GK5: variants seen among roughly 807,000 people sequenced by gnomAD.
GK5 encodes ATP:glycerol 3-phosphotransferase 5.
A neutral mutation model predicts 77.3 loss-of-function variants in GK5; 39 were observed. The ratio of observed to expected loss-of-function variants is 0.50; its 90% CI spans 0.39 to 0.66. The LOEUF (loss-of-function observed/expected upper bound fraction) is 0.66, where lower values mean the gene tolerates loss of function less well. GK5 is among the 30% of genes least tolerant of loss of function. The pLI, the probability that GK5 is intolerant of heterozygous loss-of-function variation, is 0.00. For synonymous variants in GK5, 211 were observed against 208.0 expected (o/e 1.01, Z -0.13); for missense variants, 487 against 633.8 (o/e 0.77, Z 2.49).
chr3:142,199,048 T>C, intron 4 of GK5, 115 bp from the exon 5 acceptor site: 1 of 657,708 alleles, frequency 1.5e-6, no homozygotes, highest in Admixed American at 3.6e-5. Context: ...CTACTTATAA[T>C]AGTGTTTTCT....
chr3:142,218,607 G>C (rs2064304669), intron 1 of GK5, among the ~76,000 whole-genome samples: 1 of 151,046 alleles, frequency 6.6e-6, no homozygotes, highest in Admixed American at 6.6e-5. Context: ...ACTCAAAATG[G>C]ATCAAGATCT....
chr3:142,219,997 A>C (rs932290643), intron 1 of GK5, among the ~76,000 whole-genome samples: 10 of 152,196 alleles, frequency 6.6e-5, no homozygotes, highest in Admixed American at 5.2e-4. Flanking sequence ...AATTTCATAA[A>C]AATCTATGGC....
At chr3:142,183,642 T>C (rs2063725393) in intron 9 of GK5, among the ~76,000 whole-genome samples, 2 of 152,160 alleles carry the variant, frequency 1.3e-5, no homozygotes, top group Admixed American at 6.5e-5. Flanking sequence ...AGCTAATTTT[T>C]GTATTTTTAG....
chr3:142,167,618 G>C (rs2063488073), intron 15 of GK5, among the ~76,000 whole-genome samples: 1 of 152,136 alleles, frequency 6.6e-6, no homozygotes, highest in South Asian at 2.1e-4. Flanking sequence ...AAAATACAGA[G>C]GATATACATA....
Position 142,177,384 on chromosome 3 carries a change from C to T in GK5, c.1143+98G>A, listed in dbSNP as rs974871155. ...CCTTTCATCTTAGTTCTGTTCAGTG[C>T]TCAAATTTTAAGGTAACAGAATGGT... On this transcript the variant is annotated intron_variant, in intron 12 of 15. Transcript: ENST00000392993. The T allele has an allele frequency of 8.4e-6, 6 of 716,070 alleles. No homozygotes were observed. In the African/African-American group the frequency reaches 8.9e-5, roughly 11 times the overall value. The allele number at this position is 716,070 out of a possible 1,614,324, so 44.4% of individuals were successfully genotyped here. A position where few individuals can be genotyped will look rare whatever the true frequency, so the allele number is the denominator to read the frequency against.
chr3:142,211,487 T>C (rs916776474), intron 3 of GK5, among the ~76,000 whole-genome samples: 11 of 152,100 alleles, frequency 7.2e-5, no homozygotes, highest in Admixed American at 1.3e-4. Context: ...AGATGCAGCA[T>C]GTCCTGAAAA....
Position 142,169,067 on chromosome 3 carries a change from G to T in GK5, c.1441+1258C>A, listed in dbSNP as rs112423796. On this transcript the variant is annotated intron_variant, in intron 15 of 15. Transcript: ENST00000392993. ...TATCAGACAAACTTAATAATCACTT[G>T]ACTTACCTGTCTCCTCCCACCAGGA... 8.5e-3 allele frequency among the ~76,000 whole-genome samples: 1,297 copies of T among 152,258 alleles called. 17 individuals carry two copies. The highest frequency in any genetic ancestry group is 0.029 in the African/African-American group (1,196 of 41,542).
At chr3:142,173,199 T>TAAAAA in intron 12 of GK5, 6 of 382,826 alleles carry the variant, frequency 1.6e-5, no homozygotes, top group Middle Eastern at 5.5e-4. Flanking sequence ...AGACAGGGTC[T>TAAAAA]AAAAAAAAAA....
chr3:142,210,900 A>G (rs989899918), intron 3 of GK5, among the ~76,000 whole-genome samples: 4 of 152,232 alleles, frequency 2.6e-5, no homozygotes, highest in Admixed American at 1.3e-4. Context: ...TGACACATCC[A>G]ATCAGTTCTT....
chr3:142,171,602 C>A, intron 13 of GK5, 124 bp from the exon 14 acceptor site: 2 of 712,388 alleles, frequency 2.8e-6, no homozygotes, highest in Admixed American at 4.2e-5. Flanking sequence ...ATGTACAAAA[C>A]AAAATATTAA....
intron 15 of GK5, among the ~76,000 whole-genome samples, chr3:142,168,830 C>T (rs1389775022): frequency 2.0e-5 from 3 of 148,444 alleles, no homozygotes. Flanking sequence ...CCTCTATGTA[C>T]CTCTCCCACT....
At chr3:142,188,572 T>C (rs2107780134) in intron 5 of GK5, among the ~76,000 whole-genome samples, 1 of 152,368 alleles carries the variant, frequency 6.6e-6, no homozygotes, top group South Asian at 2.1e-4. Context: ...GATGGCATAC[T>C]ATGGCCCACA....
rs2064420719 is a variant in GK5, at chr3:142,225,573, C to T, written c.-118G>A. On this transcript the variant is annotated 5_prime_UTR_variant, in exon 1 of 16. Coordinates refer to ENST00000392993, the MANE Select transcript of GK5 (RefSeq NM_001039547.3). ...GCCCCAACCCGGCTCAGCCGGAGAG[C>T]CTAGAGAGGCCTGGCCCCTGCCGCC... 6.2e-6 allele frequency: 8 copies of T among 1,283,198 alleles called. No individual in the cohort carries two copies. Among genetic ancestry groups the T allele is most frequent in the Non-Finnish European group, 7.3e-6 (7 of 963,186 alleles). 79.5% of individuals were successfully genotyped at this position (1,283,198 alleles called of 1,614,324 possible).
Position 142,215,677 on chromosome 3 carries a change from G to T in GK5, c.163C>A (p.Pro55Thr). ...SSVQKVENLYPQIGWVEIDPD... is the reference protein window; with the variant it reads ...SSVQKVENLYTQIGWVEIDPD... ...TCAATTTCTACCCAGCCAATTTGAG[G>T]ATAAAGATTTTCTACCTATTAAGGA... Residue 55 changes from proline (P) to threonine (T), a missense_variant, in exon 2 of 16, where the codon CCT (proline) becomes ACT (threonine). Around this residue, in one of 4 missense-constraint regions of GK5, gnomAD observed 97 missense variants for 86.9 expected, o/e 1.12. Coordinates refer to ENST00000392993, the MANE Select transcript of GK5 (RefSeq NM_001039547.3). 2 of 1,575,160 alleles carry T rather than the reference G, an allele frequency of 1.3e-6. No homozygotes were observed. The highest frequency in any genetic ancestry group is 8.7e-7 in the Non-Finnish European group (1 of 1,147,818).
chr3:142,182,367 CAG>C (rs1420191323), intron 10 of GK5, among the ~76,000 whole-genome samples: 4 of 149,254 alleles, frequency 2.7e-5, no homozygotes, highest in Admixed American at 6.6e-5. Context: ...TTTTTGGAGA[CAG>C]AGTCTCACTG....
At chr3:142,213,654 TTATAA>T (rs1173853980) in intron 2 of GK5, 53 bp from the exon 3 acceptor site, 1 of 1,150,638 alleles carries the variant, frequency 8.7e-7, no homozygotes, top group Non-Finnish European at 1.3e-6. Context: ...ATATTTTTCT[TTATAA>T]TATTACAATA....
chr3:142,206,391 G>C (rs1314571900), intron 3 of GK5, among the ~76,000 whole-genome samples: 1 of 152,042 alleles, frequency 6.6e-6, no homozygotes, highest in Non-Finnish European at 1.5e-5. Flanking sequence ...AATGTATGAG[G>C]GTTCCAATTT....
intron 3 of GK5, among the ~76,000 whole-genome samples, chr3:142,205,302 T>C (rs952192493): frequency 6.6e-5 from 10 of 152,166 alleles, no homozygotes; most frequent in Admixed American, 1.3e-4. Flanking sequence ...CTAAGAAATA[T>C]AGAAGTAAAA....
chr3:142,179,212 C>A (rs974810866), intron 11 of GK5, among the ~76,000 whole-genome samples: 1 of 152,160 alleles, frequency 6.6e-6, no homozygotes, highest in Non-Finnish European at 1.5e-5. Flanking sequence ...TACTTAAATT[C>A]ACTAAAGACA....
Sources: allele counts gnomAD v4.1 joint callset (sites outside exome capture counted in the v4.1 genomes callset), GRCh38; gene constraint gnomAD v4.1.1; regional missense constraint gnomAD v4.1.1; transcripts MANE v1.5; gene names NCBI Gene and HGNC (gene_info 2026-07-23, HGNC 2026-07-21).